KIF1B: variants seen among roughly 807,000 people sequenced by gnomAD.
KIF1B encodes kinesin family member 1B, also known as kinesin-like protein KIF1B.
Under a neutral mutation model 241.9 loss-of-function variants are expected in KIF1B, and 76 were observed. That is an observed-to-expected ratio of 0.31 (90% CI 0.26 to 0.38). The LOEUF (loss-of-function observed/expected upper bound fraction) is 0.38. Among genes scored for constraint, KIF1B ranks in the 10% least tolerant of loss-of-function variants. KIF1B has a pLI of 1.00. For missense variants in KIF1B, 1,622 were observed against 2,271.4 expected (o/e 0.71, Z 5.81); for synonymous variants, 750 against 796.7 (o/e 0.94, Z 0.99).
chr1:10,313,293 C>G (rs1651145746), intron 22 of KIF1B, among the ~76,000 whole-genome samples: 1 of 151,300 alleles, frequency 6.6e-6, no homozygotes, highest in Admixed American at 6.6e-5. Flanking sequence ...TTTCAAACTC[C>G]CGACCTCAGG....
chr1:10,245,765 C>G (rs1647201461), intron 2 of KIF1B, among the ~76,000 whole-genome samples: 1 of 152,146 alleles, frequency 6.6e-6, no homozygotes, highest in African/African-American at 2.4e-5. Flanking sequence ...ATAGCCTGAA[C>G]TCATTCTTCT....
intron 26 of KIF1B, 142 bp downstream of exon 26, chr1:10,325,037 C>A: frequency 2.3e-6 from 2 of 882,972 alleles, no homozygotes; most frequent in South Asian, 1.5e-5. Context: ...CACTCACAAC[C>A]ACTGCGTCAT....
At chr1:10,264,331 T>G (rs1648324405) in intron 5 of KIF1B, among the ~76,000 whole-genome samples, 1 of 152,202 alleles carries the variant, frequency 6.6e-6, no homozygotes, top group East Asian at 1.9e-4. Flanking sequence ...CTCAGTGAGT[T>G]GGATCTGCCA....
chr1:10,370,572 A>AAATAATAAT (rs34836490), intron 44 of KIF1B, among the ~76,000 whole-genome samples: 1 of 144,970 alleles, frequency 6.9e-6, no homozygotes, highest in African/African-American at 2.6e-5. Flanking sequence ...TCGAAAAAGA[A>AAATAATAAT]AATAATAATA....
chr1:10,284,056 C>A (rs1336674685), intron 15 of KIF1B, among the ~76,000 whole-genome samples: 3 of 152,178 alleles, frequency 2.0e-5, no homozygotes, highest in Non-Finnish European at 2.9e-5. Context: ...CCTACCTTTT[C>A]CCTTGACATT....
intron 36 of KIF1B, 135 bp from the exon 37 acceptor site, chr1:10,348,514 G>T: frequency 1.4e-6 from 1 of 717,814 alleles, no homozygotes; most frequent in East Asian, 2.7e-5. Flanking sequence ...ATAACAATGT[G>T]GATAGCATTT....
intron 27 of KIF1B, among the ~76,000 whole-genome samples, chr1:10,328,569 C>T (rs1651807449): frequency 6.6e-6 from 1 of 152,210 alleles, no homozygotes; most frequent in Non-Finnish European, 1.5e-5. Context: ...CATTTGATGG[C>T]TGCCTGTGTT....
At chr1:10,332,341 C>T (rs1651976352) in intron 27 of KIF1B, among the ~76,000 whole-genome samples, 1 of 151,880 alleles carries the variant, frequency 6.6e-6, no homozygotes, top group South Asian at 2.1e-4. Context: ...GCTGGGATTA[C>T]AGACGTGAGC....
intron 12 of KIF1B, among the ~76,000 whole-genome samples, chr1:10,276,821 C>T (rs1026774258): frequency 6.6e-6 from 1 of 152,194 alleles, no homozygotes; most frequent in African/African-American, 2.4e-5. Context: ...TGGCCCCCAC[C>T]TGTAATCCCA....
chr1:10,333,663 G>A (rs1314851742), intron 27 of KIF1B, among the ~76,000 whole-genome samples: 2 of 152,058 alleles, frequency 1.3e-5, no homozygotes, highest in Admixed American at 6.6e-5. Flanking sequence ...CTGCATTCCA[G>A]CCTGGGTGAC....
intron 34 of KIF1B, 35 bp downstream of exon 34, chr1:10,343,322 CTT>C: frequency 1.9e-6 from 3 of 1,593,510 alleles, no homozygotes; most frequent in Non-Finnish European, 2.6e-6. Context: ...ATGATGATCT[CTT>C]TGTGAATACA....
chr1:10,334,491 G>T, intron 27 of KIF1B, 29 bp from the exon 28 acceptor site: 1 of 1,505,114 alleles, frequency 6.6e-7, no homozygotes, highest in South Asian at 1.1e-5. Context: ...TGGATGTTCT[G>T]ACATTTGTCT....
In KIF1B at chr1:10,361,731, G is replaced by A. The variant is rs1557737152; in HGVS notation, c.4210G>A (p.Val1404Met). The change falls in exon 40 of 49, where the codon GTG becomes ATG. Residue 1404 changes from valine to methionine, a missense_variant. By Grantham distance (21) the Val-to-Met change is conservative. Coordinates refer to ENST00000676179, the MANE Select transcript of KIF1B (RefSeq NM_001365951.3). ...CIQPAVITKD[V>M]CMVFYSRDAK... ...CCAGCCGGCTGTCATCACCAAGGAT[G>A]TGTGCATGGTCTTCTACTCCCGAGA... 6.2e-7 allele frequency: 1 copy of A among 1,614,104 alleles called. No individual in the cohort carries two copies. The highest frequency in any genetic ancestry group is 2.2e-5 in the East Asian group (1 of 44,888).
intron 1 of KIF1B, among the ~76,000 whole-genome samples, chr1:10,213,875 A>G (rs1039588865): frequency 6.6e-6 from 1 of 152,010 alleles, no homozygotes; most frequent in African/African-American, 2.4e-5. Context: ...AGTGGCTCAC[A>G]TCTGTAATCC....
At chr1:10,295,484 G>T (rs1005544166) in intron 18 of KIF1B, among the ~76,000 whole-genome samples, 176 bp from the exon 19 acceptor site, 1 of 152,058 alleles carries the variant, frequency 6.6e-6, no homozygotes, top group Non-Finnish European at 1.5e-5. Context: ...TTCTTATTCT[G>T]ATGTAGAGAG....
intron 2 of KIF1B, 75 bp downstream of exon 2, chr1:10,232,509 A>ATCTATTCT: frequency 1.1e-5 from 11 of 1,039,566 alleles, no homozygotes; most frequent in African/African-American, 1.6e-5. Flanking sequence ...TGCTGTGTTC[A>ATCTATTCT]GAATAGATGA....
Position 10,342,166 on chromosome 1 carries a change from C to G in KIF1B, c.3630C>G (p.Asn1210Lys). ...TTCATCTGCAAGGACAGGAGCTTAA[C>G]AGGTTTGGACCAGATAAGCAAACAT... ...HPLHLQGQEL[N>K]SPPQPCRRFF... is the part of the protein sequence containing the mutation. The change falls in exon 33 of 49, where the codon AAC becomes AAG. Residue 1210 changes from asparagine (N) to lysine (K), a missense_variant and splice_region_variant. By Grantham distance (94) the Asn-to-Lys change is moderately conservative. This residue lies in a region of KIF1B where 803 missense variants were observed against 1,112.0 expected (regional missense o/e 0.72). Transcript: ENST00000676179. 1.9e-6 allele frequency: 3 copies of G among 1,579,088 alleles called. No homozygotes were observed. The highest frequency in any genetic ancestry group is 2.6e-6 in the Non-Finnish European group (3 of 1,148,108).
chr1:10,299,963 G>A (rs945313404), intron 22 of KIF1B, among the ~76,000 whole-genome samples: 21 of 152,088 alleles, frequency 1.4e-4, no homozygotes, highest in Non-Finnish European at 1.5e-4. Context: ...CTGGCCAGGC[G>A]CGGTGGCTCA....
At chr1:10,261,789 A>G (rs1648161627) in intron 4 of KIF1B, 116 bp from the exon 5 acceptor site, 1 of 742,568 alleles carries the variant, frequency 1.3e-6, no homozygotes. Flanking sequence ...TTTATGACAT[A>G]ATATATTTTG....
Sources: allele counts gnomAD v4.1 joint callset (sites outside exome capture counted in the v4.1 genomes callset), GRCh38; gene constraint gnomAD v4.1.1; regional missense constraint gnomAD v4.1.1; transcripts MANE v1.5; gene names NCBI Gene and HGNC (gene_info 2026-07-23, HGNC 2026-07-21).